KPNB1: variants seen among roughly 807,000 people sequenced by gnomAD.
The protein encoded by KPNB1 is karyopherin subunit beta 1.
KPNB1 carries 7 observed loss-of-function variants against 113.0 expected under a neutral mutation model. That is an observed-to-expected ratio of 0.06 (90% CI 0.04 to 0.12). The LOEUF is 0.12. Among genes scored for constraint, KPNB1 ranks in the 10% least tolerant of loss-of-function variants. The pLI, the probability that KPNB1 is intolerant of heterozygous loss-of-function variation, is 1.00. For synonymous variants in KPNB1, 363 were observed against 378.6 expected (o/e 0.96, Z 0.48); for missense variants, 400 against 1,054.8 (o/e 0.38, Z 8.60).
Position 47,682,520 on chromosome 17 carries a change from G to C in KPNB1, c.*116G>C. 1 of 754,622 alleles carries C rather than the reference G, an allele frequency of 1.3e-6. No individual in the cohort carries two copies. The highest frequency in any genetic ancestry group is 2.5e-6 in the Non-Finnish European group (1 of 406,168). The allele number at this position is 754,622 out of a possible 1,614,324, so 46.7% of individuals were successfully genotyped here. A position where few individuals can be genotyped will look rare whatever the true frequency, so the allele number is the denominator to read the frequency against. On this transcript the variant is annotated 3_prime_UTR_variant, in exon 22 of 22. Transcript: ENST00000290158. ...TGAATGTTTGGGAATGAGAGGATGA[G>C]TGAGTGAGGCTTGAAAACACACCAC...
intron 5 of KPNB1, 140 bp downstream of exon 5, chr17:47,658,800 G>T: frequency 2.9e-6 from 2 of 683,038 alleles, no homozygotes; most frequent in Non-Finnish European, 2.4e-6. Flanking sequence ...GTTTAGTCGA[G>T]TTCGTATTGT....
intron 3 of KPNB1, among the ~76,000 whole-genome samples, chr17:47,654,748 A>G (rs945949483): frequency 2.0e-5 from 3 of 152,204 alleles, no homozygotes; most frequent in Admixed American, 2.0e-4. Flanking sequence ...GAAAAAGGTA[A>G]AGGTAGAATG....
intron 10 of KPNB1, among the ~76,000 whole-genome samples, chr17:47,668,787 T>C (rs2030363569): frequency 6.6e-6 from 1 of 151,542 alleles, no homozygotes. Flanking sequence ...TTCCCAATAA[T>C]TTTTTTTTGC....
chr17:47,652,815 C>T lies in KPNB1; in HGVS notation c.221C>T (p.Ala74Val). Residue 74 changes from alanine (A) to valine (V), a missense_variant, in exon 3 of 22, where the codon GCA (alanine) becomes GTA (valine). Around this residue, in one of 2 missense-constraint regions of KPNB1, gnomAD observed 285 missense variants for 627.0 expected, o/e 0.45. Coordinates refer to ENST00000290158, the MANE Select transcript of KPNB1 (RefSeq NM_002265.6). ...SLTSKDPDIK[A>V]QYQQRWLAID... ...ACATCTAAAGATCCAGATATCAAGG[C>T]ACAATATCAGCAGAGGTGGCTTGCT... is the stretch of plus-strand genomic sequence containing the variant. The T allele has an allele frequency of 3.1e-6, 5 of 1,612,128 alleles. No individual in the cohort carries two copies. The highest frequency in any genetic ancestry group is 4.2e-6 in the Non-Finnish European group (5 of 1,179,330).
At chr17:47,679,358 C>A (rs554863137) in intron 19 of KPNB1, among the ~76,000 whole-genome samples, 1 of 152,290 alleles carries the variant, frequency 6.6e-6, no homozygotes, top group South Asian at 2.1e-4. Context: ...CCTTTCCCAT[C>A]CCCACAAGCT....
chr17:47,660,904 T>C (rs993034119), intron 5 of KPNB1, among the ~76,000 whole-genome samples: 1 of 152,202 alleles, frequency 6.6e-6, no homozygotes, highest in African/African-American at 2.4e-5. Context: ...AGGGACCTCA[T>C]TGGAGGGCAA....
chr17:47,653,703 C>G (rs1401072590), intron 3 of KPNB1, among the ~76,000 whole-genome samples: 1 of 152,168 alleles, frequency 6.6e-6, no homozygotes, highest in Non-Finnish European at 1.5e-5. Flanking sequence ...CATGGTTATG[C>G]ACATCATACT....
At chr17:47,662,691 G>A (rs974489214) in intron 6 of KPNB1, among the ~76,000 whole-genome samples, 2 of 152,044 alleles carry the variant, frequency 1.3e-5, no homozygotes, top group Admixed American at 6.6e-5. Context: ...AGATGAGCCT[G>A]GTCAACATAG....
intron 6 of KPNB1, 144 bp from the exon 7 acceptor site, chr17:47,662,945 G>A (rs890270318): frequency 7.5e-6 from 5 of 664,138 alleles, no homozygotes; most frequent in Non-Finnish European, 1.1e-5. Context: ...GAATTAAAGG[G>A]AGAGAATGAA....
intron 9 of KPNB1, among the ~76,000 whole-genome samples, chr17:47,666,501 A>G (rs1298139681): frequency 7.3e-6 from 1 of 137,670 alleles, no homozygotes; most frequent in Non-Finnish European, 1.6e-5. Context: ...ATTTTATATA[A>G]TGTTATATAT....
rs1346614916 is a variant in KPNB1 at position 47,675,366 on chromosome 17, T to TG, written c.1912+584_1912+585insG. 2.4e-3 allele frequency among the ~76,000 whole-genome samples: 275 copies of TG among 114,228 alleles called. 4 individuals are homozygous for TG. Among genetic ancestry groups the TG allele is most frequent in the African/African-American group, 6.0e-3 (155 of 25,710 alleles). 74.9% of individuals were successfully genotyped at this position (114,228 alleles called of 152,430 possible). A position where few individuals can be genotyped will look rare whatever the true frequency, so the allele number is the denominator to read the frequency against. ...CGGAGATTGGCAGAGGTGTTGTTTT[T>TG]TTTTTGTTTTTTTTTTTTGTTTGTT... On this transcript the variant is annotated intron_variant, in intron 15 of 21. Coordinates refer to ENST00000290158, the MANE Select transcript of KPNB1 (RefSeq NM_002265.6).
At position 47,677,231 on chromosome 17, in the gene KPNB1, C is replaced by T. The variant is rs913540008; in HGVS notation, c.2103+104C>T. 8 of 936,104 alleles carry T rather than the reference C, an allele frequency of 8.5e-6. No individual in the cohort carries two copies. In the African/African-American group the frequency reaches 1.3e-4, roughly 15 times the overall value. The allele number at this position is 936,104 out of a possible 1,614,324, so 58.0% of individuals were successfully genotyped here. ...AGGCTGGGCGCAGTGGCCTGTAATC[C>T]CAGCATTTTGGGAGGCCGAGGCAGG... is the stretch of plus-strand genomic sequence containing the variant. On this transcript the variant is annotated intron_variant, in intron 17 of 21. Coordinates refer to ENST00000290158, the MANE Select transcript of KPNB1 (RefSeq NM_002265.6).
At chr17:47,672,716 AC>A (rs2143155571) in intron 12 of KPNB1, among the ~76,000 whole-genome samples, 1 of 152,296 alleles carries the variant, frequency 6.6e-6, no homozygotes, top group African/African-American at 2.4e-5. Flanking sequence ...TCTTCATAGC[AC>A]TTCAGACAAC....
chr17:47,675,185 C>T (rs1422778433), intron 15 of KPNB1, among the ~76,000 whole-genome samples: 1 of 151,726 alleles, frequency 6.6e-6, no homozygotes, highest in Non-Finnish European at 1.5e-5. Context: ...ACTCCTGGGC[C>T]TCCTTGTCAG....
intron 6 of KPNB1, among the ~76,000 whole-genome samples, chr17:47,662,862 A>G (rs896877995): frequency 6.6e-5 from 10 of 152,060 alleles, no homozygotes; most frequent in Admixed American, 5.2e-4. Context: ...CAGCCTGGGC[A>G]ACAGGAGCGG....
Position 47,650,381 on chromosome 17 carries a change from C to A in KPNB1, c.41-5C>A, listed in dbSNP as rs775171792. The A allele has an allele frequency of 1.2e-6, 2 of 1,611,934 alleles. No individual in the cohort carries two copies. The highest frequency in any genetic ancestry group is 1.7e-6 in the Non-Finnish European group (2 of 1,179,520). ...CCGCTCCGTCTCCCACTTTCCTCCC[C>A]CTAGATCGGCTGGAGCTGGAAGCGG... On this transcript the variant is annotated splice_polypyrimidine_tract_variant and splice_region_variant and intron_variant, in intron 1 of 21. Coordinates refer to ENST00000290158, the MANE Select transcript of KPNB1 (RefSeq NM_002265.6).
At chr17:47,676,830 A>G (rs1325242322) in intron 16 of KPNB1, among the ~76,000 whole-genome samples, 190 bp from the exon 17 acceptor site, 1 of 101,004 alleles carries the variant, frequency 9.9e-6, no homozygotes, top group African/African-American at 4.1e-5. Context: ...TTTTTTTTTA[A>G]CTTTATCAGT....
chr17:47,677,208 G>A lies in KPNB1; in HGVS notation c.2103+81G>A, dbSNP rs926498416. 10 of 1,126,410 alleles carry A rather than the reference G, an allele frequency of 8.9e-6. No individual in the cohort carries two copies. In the African/African-American group the frequency reaches 1.2e-4, roughly 14 times the overall value. 69.8% of individuals were successfully genotyped at this position (1,126,410 alleles called of 1,614,324 possible). On this transcript the variant is annotated intron_variant, in intron 17 of 21. Coordinates refer to ENST00000290158, the MANE Select transcript of KPNB1 (RefSeq NM_002265.6). ...GGAAAGATAGTTAAATATCGACCAG[G>A]CTGGGCGCAGTGGCCTGTAATCCCA...
chr17:47,674,884 T>A, intron 15 of KPNB1, 102 bp downstream of exon 15: 2 of 1,208,302 alleles, frequency 1.7e-6, no homozygotes. Flanking sequence ...TGGCACGATC[T>A]TGGCGCACTG....
Sources: allele counts gnomAD v4.1 joint callset (sites outside exome capture counted in the v4.1 genomes callset), GRCh38; gene constraint gnomAD v4.1.1; regional missense constraint gnomAD v4.1.1; transcripts MANE v1.5; gene names NCBI Gene and HGNC (gene_info 2026-07-23, HGNC 2026-07-21).